The following PKD1L3 variants were observed in gnomAD, a reference collection of about 807,000 sequenced individuals.
PKD1L3 encodes the protein polycystin 1 like 3, transient receptor potential channel interacting.
Under a neutral mutation model 184.1 loss-of-function variants are expected in PKD1L3, and 239 were observed. That is an observed-to-expected ratio of 1.30 (90% CI 1.17 to 1.45). PKD1L3 has a LOEUF of 1.45. Ranked by LOEUF, PKD1L3 falls within the 40% of genes most tolerant of loss-of-function variation. PKD1L3 has a pLI of 0.00. For missense variants in PKD1L3, 2,660 were observed against 2,067.2 expected (o/e 1.29, Z -5.56); for synonymous variants, 996 against 778.8 (o/e 1.28, Z -4.64).
chr16:71,935,344 A>C lies in PKD1L3; in HGVS notation c.4613+14T>G. On this transcript the variant is annotated intron_variant, in intron 26 of 29. Coordinates refer to ENST00000620267, the MANE Select transcript of PKD1L3 (RefSeq NM_181536.2). ...GAGGTAGGAATATGCTGTGCCCCTC[A>C]GGCTTCCTCTCACCTGTCCTGGTCA... The C allele has an allele frequency of 6.5e-7, 1 of 1,548,740 alleles. No homozygotes were observed. The highest frequency in any genetic ancestry group is 8.7e-7 in the Non-Finnish European group (1 of 1,145,364).
intron 4 of PKD1L3, among the ~76,000 whole-genome samples, chr16:71,987,618 C>T (rs1024063379): frequency 2.0e-5 from 3 of 150,800 alleles, no homozygotes; most frequent in Admixed American, 6.6e-5. Context: ...TCAAGTGATC[C>T]GCCACCTCGG....
intron 22 of PKD1L3, among the ~76,000 whole-genome samples, chr16:71,946,672 T>C (rs2038614153): frequency 6.7e-6 from 1 of 150,200 alleles, no homozygotes; most frequent in African/African-American, 2.5e-5. Flanking sequence ...AGAATGCTGA[T>C]GCTCTTGACT....
rs562431217 is a variant in PKD1L3 at position 71,929,735 on chromosome 16, G to A, written c.5059-57C>T. On this transcript the variant is annotated intron_variant, in intron 29 of 29. Transcript: ENST00000620267. ...GAAAATTGAAATTACTGCTAATAGTGGAGTAAAAAAAGTACCAAAGATTTT... is the reference window on the plus strand; with the variant it reads ...GAAAATTGAAATTACTGCTAATAGTAGAGTAAAAAAAGTACCAAAGATTTT... The A allele has an allele frequency of 4.9e-5, 69 of 1,419,692 alleles. No individual in the cohort carries two copies. The East Asian group carries it at 1.4e-3, about 28-fold the overall frequency. The allele number at this position is 1,419,692 out of a possible 1,614,324, so 87.9% of individuals were successfully genotyped here.
At chr16:71,974,820 G>T (rs1333177106) in intron 11 of PKD1L3, among the ~76,000 whole-genome samples, 1 of 152,222 alleles carries the variant, frequency 6.6e-6, no homozygotes, top group East Asian at 1.9e-4. Flanking sequence ...CAAGAACTTA[G>T]AAGTGATTGT....
intron 2 of PKD1L3, among the ~76,000 whole-genome samples, chr16:71,997,260 T>A (rs2040821379): frequency 6.6e-6 from 1 of 152,014 alleles, no homozygotes; most frequent in African/African-American, 2.4e-5. Flanking sequence ...TGCCCAGCAA[T>A]TGCTCAGTTG....
At chr16:71,977,561 T>TTTCTC in intron 10 of PKD1L3, 94 bp from the exon 11 acceptor site, 1 of 392,196 alleles carries the variant, frequency 2.5e-6, no homozygotes, top group Non-Finnish European at 4.0e-6. Context: ...GTCCTAGCTC[T>TTTCTC]TTTTTTTTTT....
intron 4 of PKD1L3, among the ~76,000 whole-genome samples, chr16:71,989,535 A>G (rs1465052118): frequency 6.6e-6 from 1 of 152,226 alleles, no homozygotes; most frequent in Non-Finnish European, 1.5e-5. Context: ...TTAGGCATCA[A>G]CTAAAGGGTT....
chr16:71,950,686 G>A (rs1468280427), intron 19 of PKD1L3, among the ~76,000 whole-genome samples: 1 of 151,392 alleles, frequency 6.6e-6, no homozygotes, highest in Non-Finnish European at 1.5e-5. Context: ...CTTTGACAAA[G>A]CAGAAAGGAT....
At chr16:71,966,711 C>T (rs761340985) in intron 15 of PKD1L3, among the ~76,000 whole-genome samples, 6 of 152,110 alleles carry the variant, frequency 3.9e-5, no homozygotes, top group African/African-American at 1.2e-4. Context: ...GGATTACAGG[C>T]GTGAGCTGCT....
At chr16:71,931,995 T>C (rs1194124019) in intron 28 of PKD1L3, among the ~76,000 whole-genome samples, 1 of 152,204 alleles carries the variant, frequency 6.6e-6, no homozygotes, top group African/African-American at 2.4e-5. Context: ...CTTTTCACTT[T>C]GGCCTCCTAA....
At position 71,973,306 on chromosome 16, in the gene PKD1L3, A is replaced by C. The variant is rs2039789022; in HGVS notation, c.1953+18T>G. 6.5e-7 allele frequency: 1 copy of C among 1,550,242 alleles called. No individual in the cohort carries two copies. Among genetic ancestry groups the C allele is most frequent in the Non-Finnish European group, 8.7e-7 (1 of 1,146,276 alleles). On this transcript the variant is annotated intron_variant, in intron 12 of 29. Coordinates refer to ENST00000620267, the MANE Select transcript of PKD1L3 (RefSeq NM_181536.2). ...GCTATGGCAGAAGAGAGGCCCAAGA[A>C]GCGGCTCAGTTTCTTACTTGGCATC...
intron 1 of PKD1L3, 75 bp from the exon 2 acceptor site, chr16:71,998,469 T>C: frequency 1.3e-6 from 2 of 1,494,120 alleles, no homozygotes; most frequent in East Asian, 4.9e-5. Context: ...ATTATTGTTT[T>C]TGAGACAGTC....
chr16:71,929,780 A>AAGAT (rs764430446), intron 29 of PKD1L3, 102 bp from the exon 30 acceptor site: 39 of 1,174,412 alleles, frequency 3.3e-5, no homozygotes, highest in Non-Finnish European at 4.5e-5. Flanking sequence ...AGTAAATGTA[A>AAGAT]AGATACTATT....
intron 13 of PKD1L3, 132 bp downstream of exon 13, chr16:71,969,743 A>C: frequency 1.2e-6 from 1 of 807,056 alleles, no homozygotes; most frequent in East Asian, 2.7e-5. Context: ...AAATTTAAGA[A>C]AAGTTTCACT....
chr16:71,962,329 G>C (rs2039312698), intron 16 of PKD1L3, among the ~76,000 whole-genome samples: 1 of 152,176 alleles, frequency 6.6e-6, no homozygotes, highest in South Asian at 2.1e-4. Flanking sequence ...AGGTCAGATA[G>C]CAGAGGTATA....
At chr16:71,970,257 G>A (rs1465424962) in intron 12 of PKD1L3, among the ~76,000 whole-genome samples, 152 bp from the exon 13 acceptor site, 1 of 152,192 alleles carries the variant, frequency 6.6e-6, no homozygotes, top group Non-Finnish European at 1.5e-5. Context: ...AACCAATGTG[G>A]AAAGTAATTT....
chr16:71,958,379 T>C (rs1597320558), intron 16 of PKD1L3, among the ~76,000 whole-genome samples: 2 of 104,842 alleles, frequency 1.9e-5, no homozygotes, highest in Admixed American at 1.1e-4. Context: ...AGAGCGAGAC[T>C]CCGTCTCAAA....
chr16:71,992,404 T>TAATAATGG (rs2040623569), intron 3 of PKD1L3, among the ~76,000 whole-genome samples: 1 of 152,236 alleles, frequency 6.6e-6, no homozygotes, highest in African/African-American at 2.4e-5. Context: ...ACATGTTACG[T>TAATAATGG]AAGGTAATAA....
intron 12 of PKD1L3, among the ~76,000 whole-genome samples, chr16:71,971,620 C>G (rs555121957): frequency 1.3e-5 from 2 of 152,320 alleles, no homozygotes; most frequent in South Asian, 4.1e-4. Context: ...TCAAGCTTCT[C>G]TACTCAAAGT....
Sources: gnomAD v4.1 joint callset for allele counts (sites outside exome capture counted in the v4.1 genomes callset) on GRCh38, gnomAD v4.1.1 for gene constraint, MANE v1.5 for transcripts, NCBI Gene and HGNC (gene_info 2026-07-23, HGNC 2026-07-21) for gene names.